The following MECOM variants were observed in gnomAD, a reference collection of about 807,000 sequenced individuals.
MECOM encodes MDS1 and EVI1 complex locus.
MECOM carries 13 observed loss-of-function variants against 116.3 expected under a neutral mutation model. The ratio of observed to expected loss-of-function variants is 0.11; its 90% CI spans 0.07 to 0.18. The LOEUF is 0.18. MECOM is among the 10% of genes least tolerant of loss of function. MECOM has a pLI of 1.00. For synonymous variants in MECOM, 528 were observed against 535.2 expected (o/e 0.99, Z 0.19); for missense variants, 1,299 against 1,509.0 (o/e 0.86, Z 2.31).
At chr3:169,448,785 A>G (rs1745076167) in intron 1 of MECOM, among the ~76,000 whole-genome samples, 1 of 152,188 alleles carries the variant, frequency 6.6e-6, no homozygotes, top group Admixed American at 6.6e-5. Context: ...AATAAATGAA[A>G]GAGATCAACT....
intron 1 of MECOM, among the ~76,000 whole-genome samples, chr3:169,561,653 G>T (rs11715354): frequency 0.22 from 33,497 of 151,982 alleles, 4,714 homozygotes; most frequent in East Asian, 0.7. Flanking sequence ...AATGGGATTC[G>T]GGGTTGTGAA....
intron 1 of MECOM, among the ~76,000 whole-genome samples, chr3:169,591,040 G>A (rs1240990123): frequency 3.3e-5 from 5 of 152,132 alleles, no homozygotes; most frequent in Admixed American, 3.3e-4. Flanking sequence ...AAGCCAGATG[G>A]GGAGTTTTCT....
At chr3:169,637,594 G>A (rs550895926) in intron 1 of MECOM, among the ~76,000 whole-genome samples, 1 of 152,318 alleles carries the variant, frequency 6.6e-6, no homozygotes, top group South Asian at 2.1e-4. Flanking sequence ...CTCTGGCACT[G>A]TGTCCTAATT....
chr3:169,394,925 G>T (rs187993258), intron 1 of MECOM, among the ~76,000 whole-genome samples: 1 of 152,212 alleles, frequency 6.6e-6, no homozygotes, highest in African/African-American at 2.4e-5. Flanking sequence ...AGCTTAAAGG[G>T]TCAAATGAAA....
In MECOM at chr3:169,308,181, TA is replaced by T. The variant is rs138573060; in HGVS notation, c.375+73005del. On this transcript the variant is annotated intron_variant, in intron 2 of 16. Transcript: ENST00000651503. ...CCTAATTGTCTCTTTTACTAGATGATAAACTCCAGGAGAGCAAGTGCTGGGC... is the reference window on the plus strand; with the variant it reads ...CCTAATTGTCTCTTTTACTAGATGATAACTCCAGGAGAGCAAGTGCTGGGC... 6.8e-3 allele frequency among the ~76,000 whole-genome samples: 1,041 copies of T among 152,340 alleles called. 96 individuals are homozygous for T. The East Asian group carries it at 0.18, about 27-fold the overall frequency.
chr3:169,543,638 C>A (rs2109247207), intron 1 of MECOM, among the ~76,000 whole-genome samples: 1 of 152,210 alleles, frequency 6.6e-6, no homozygotes, highest in South Asian at 2.1e-4. Flanking sequence ...ATAATAAAAT[C>A]AAAACACAAT....
intron 1 of MECOM, among the ~76,000 whole-genome samples, chr3:169,434,305 T>C (rs1742260006): frequency 1.3e-5 from 2 of 152,322 alleles, no homozygotes; most frequent in South Asian, 4.1e-4. Context: ...TTGGCATTGA[T>C]GAAAAACAAA....
At chr3:169,478,292 G>A (rs1334679196) in intron 1 of MECOM, among the ~76,000 whole-genome samples, 1 of 152,166 alleles carries the variant, frequency 6.6e-6, no homozygotes, top group African/African-American at 2.4e-5. Flanking sequence ...GTAGAAGAAT[G>A]ATATTGTCAA....
intron 3 of MECOM, among the ~76,000 whole-genome samples, chr3:169,134,542 C>A (rs1735770531): frequency 6.6e-6 from 1 of 152,172 alleles, no homozygotes; most frequent in African/African-American, 2.4e-5. Flanking sequence ...ATAATGAGGG[C>A]AGATTCTGGG....
intron 11 of MECOM, among the ~76,000 whole-genome samples, chr3:169,101,593 A>C (rs1186393404): frequency 1.3e-5 from 2 of 152,186 alleles, no homozygotes; most frequent in Non-Finnish European, 2.9e-5. Flanking sequence ...CACACACAAA[A>C]CCAGAAACAT....
intron 2 of MECOM, among the ~76,000 whole-genome samples, chr3:169,172,368 A>G (rs1744549037): frequency 6.6e-6 from 1 of 151,064 alleles, no homozygotes; most frequent in Admixed American, 6.6e-5. Context: ...CCACTGTATC[A>G]CAGGTTTTCA....
chr3:169,265,832 C>A (rs4955643), intron 2 of MECOM, among the ~76,000 whole-genome samples: 63,302 of 152,078 alleles, frequency 0.42, 15,463 homozygotes, highest in African/African-American at 0.68. Flanking sequence ...ACCTCTGTCC[C>A]TTCTGCAGTA....
intron 1 of MECOM, among the ~76,000 whole-genome samples, chr3:169,519,437 T>A (rs988651597): frequency 1.3e-5 from 2 of 152,238 alleles, no homozygotes. Flanking sequence ...CAAAATTGTA[T>A]GTAAATGAAC....
intron 2 of MECOM, among the ~76,000 whole-genome samples, chr3:169,290,591 G>C (rs1361897057): frequency 6.6e-6 from 1 of 152,126 alleles, no homozygotes; most frequent in Non-Finnish European, 1.5e-5. Flanking sequence ...TTTAAAAATG[G>C]CATGTTTCAG....
At chr3:169,188,978 T>TA (rs1261503433) in intron 2 of MECOM, among the ~76,000 whole-genome samples, 4 of 152,238 alleles carry the variant, frequency 2.6e-5, no homozygotes, top group Admixed American at 2.6e-4. Flanking sequence ...ATGTCACATT[T>TA]ATATTTGCAT....
intron 1 of MECOM, among the ~76,000 whole-genome samples, chr3:169,627,202 C>A (rs1771487100): frequency 6.6e-6 from 1 of 152,112 alleles, no homozygotes; most frequent in South Asian, 2.1e-4. Flanking sequence ...AGCAGGTGTA[C>A]ACGGCCCAGC....
Position 169,450,342 on chromosome 3 carries a change from T to G in MECOM, c.38-68818A>C, listed in dbSNP as rs549830761. On this transcript the variant is annotated intron_variant, in intron 1 of 16. Coordinates refer to ENST00000651503, the MANE Select transcript of MECOM (RefSeq NM_004991.4). ...CACAAGAATTAACAAATCAGCAGTC[T>G]AAAGCCAAAGACTCCAAGGTGCTAA... Among the ~76,000 whole-genome samples the G allele has an allele frequency of 9.2e-5, 14 of 152,210 alleles. No individual in the cohort carries two copies. The South Asian group carries it at 2.7e-3, about 29-fold the overall frequency.
intron 2 of MECOM, among the ~76,000 whole-genome samples, chr3:169,228,272 A>T (rs1193406316): frequency 6.6e-6 from 1 of 152,194 alleles, no homozygotes; most frequent in African/African-American, 2.4e-5. Flanking sequence ...ACTATACTAA[A>T]CAGTCATAAT....
chr3:169,332,579 G>A (rs1329430879), intron 2 of MECOM, among the ~76,000 whole-genome samples: 2 of 152,018 alleles, frequency 1.3e-5, no homozygotes, highest in African/African-American at 4.8e-5. Flanking sequence ...CACAATATAA[G>A]GGCAAAATAC....
Sources: gnomAD v4.1 joint callset for allele counts (sites outside exome capture counted in the v4.1 genomes callset) on GRCh38, gnomAD v4.1.1 for gene constraint, MANE v1.5 for transcripts, NCBI Gene and HGNC (gene_info 2026-07-23, HGNC 2026-07-21) for gene names.